The following EVL variants were observed in gnomAD, a reference collection of about 807,000 sequenced individuals.
The protein encoded by EVL is ena/VASP-like protein.
In EVL, 21 loss-of-function variants were observed where a neutral mutation model predicts 59.6. The ratio of observed to expected loss-of-function variants is 0.35; its 90% CI spans 0.25 to 0.51. The LOEUF is 0.51. Among genes scored for constraint, EVL ranks in the 20% least tolerant of loss-of-function variants. EVL has a pLI of 0.97. For synonymous variants in EVL, 198 were observed against 203.5 expected (o/e 0.97, Z 0.23); for missense variants, 462 against 546.6 (o/e 0.85, Z 1.54).
chr14:100,090,925 C>T (rs1264714424), intron 2 of EVL, among the ~76,000 whole-genome samples: 1 of 152,058 alleles, frequency 6.6e-6, no homozygotes, highest in South Asian at 2.1e-4. Context: ...AAAACCATCT[C>T]GCATTGCAGA....
Position 100,128,981 on chromosome 14 carries a change from A to G in EVL, c.717+233A>G, listed in dbSNP as rs1389548958. ...GACCTTCACACGTGGGGCAAGAACTATGTCCCCCTTTAGAGATGAGGAAAT... is the reference window on the plus strand; with the variant it reads ...GACCTTCACACGTGGGGCAAGAACTGTGTCCCCCTTTAGAGATGAGGAAAT... On this transcript the variant is annotated intron_variant, in intron 6 of 13. Transcript: ENST00000392920. Among the ~76,000 whole-genome samples the G allele has an allele frequency of 3.9e-5, 6 of 152,328 alleles. No individual in the cohort carries two copies. In the East Asian group the frequency reaches 7.7e-4, roughly 20 times the overall value.
At chr14:100,091,944 G>C (rs936693274) in intron 2 of EVL, among the ~76,000 whole-genome samples, 2 of 152,184 alleles carry the variant, frequency 1.3e-5, no homozygotes, top group Non-Finnish European at 2.9e-5. Flanking sequence ...TATGAGAGTA[G>C]AGAATAGAGG....
intron 1 of EVL, chr14:99,977,538 A>G (rs2060778259): frequency 6.6e-6 from 1 of 152,168 alleles, no homozygotes; most frequent in Non-Finnish European, 1.5e-5. Flanking sequence ...AGCTGGGATT[A>G]CAGACATCCG....
chr14:100,077,398 G>A (rs1277601497), intron 1 of EVL, among the ~76,000 whole-genome samples: 1 of 152,222 alleles, frequency 6.6e-6, no homozygotes, highest in Non-Finnish European at 1.5e-5. Flanking sequence ...CTTGAAATGG[G>A]AAACAGTGAA....
chr14:100,072,692 A>G (rs566490306), intron 1 of EVL, among the ~76,000 whole-genome samples: 2 of 152,370 alleles, frequency 1.3e-5, no homozygotes, highest in South Asian at 4.1e-4. Flanking sequence ...CTCAGGGGAA[A>G]GACAGAGATA....
intron 1 of EVL, among the ~76,000 whole-genome samples, chr14:99,991,315 C>T (rs2060874426): frequency 6.6e-6 from 1 of 152,180 alleles, no homozygotes; most frequent in South Asian, 2.1e-4. Context: ...CATAAACACA[C>T]TCTTTGAGGC....
chr14:100,126,621 C>T (rs879751390), intron 4 of EVL, 86 bp from the exon 5 acceptor site: 29 of 1,446,796 alleles, frequency 2.0e-5, no homozygotes, highest in South Asian at 2.4e-5. Context: ...ACTCTGAAGC[C>T]GGGGCCGGCG....
chr14:100,096,962 A>T (rs1885858093), intron 2 of EVL: 1 of 152,952 alleles, frequency 6.5e-6, no homozygotes, highest in Non-Finnish European at 1.5e-5. Flanking sequence ...ATGCATTCAA[A>T]GTACTAGACA....
intron 1 of EVL, among the ~76,000 whole-genome samples, chr14:100,043,907 C>A (rs1019585749): frequency 4.6e-5 from 7 of 151,772 alleles, no homozygotes; most frequent in African/African-American, 1.7e-4. Flanking sequence ...TATCTGGGCC[C>A]CCAGTTGTAT....
intron 4 of EVL, 141 bp downstream of exon 4, chr14:100,123,743 A>T: frequency 1.3e-6 from 1 of 766,220 alleles, no homozygotes; most frequent in Non-Finnish European, 2.1e-6. Flanking sequence ...TGCAAGGTGC[A>T]AGCCAGACCA....
At chr14:100,039,841 A>T (rs1266953753) in intron 1 of EVL, among the ~76,000 whole-genome samples, 1 of 152,022 alleles carries the variant, frequency 6.6e-6, no homozygotes, top group East Asian at 1.9e-4. Context: ...GTTGGAATGC[A>T]GTGACGCGAT....
At chr14:100,126,085 T>C (rs1713154419) in intron 4 of EVL, among the ~76,000 whole-genome samples, 1 of 152,214 alleles carries the variant, frequency 6.6e-6, no homozygotes, top group African/African-American at 2.4e-5. Context: ...TCTGGAGATG[T>C]ATCTGGGCCT....
intron 7 of EVL, among the ~76,000 whole-genome samples, chr14:100,132,319 G>A (rs1296459174): frequency 6.6e-6 from 1 of 151,564 alleles, no homozygotes; most frequent in Admixed American, 6.6e-5. Context: ...AGTGTCCAGT[G>A]TCCCGACCTG....
chr14:100,041,377 A>G (rs1188345783), intron 1 of EVL, among the ~76,000 whole-genome samples: 1 of 152,212 alleles, frequency 6.6e-6, no homozygotes, highest in East Asian at 1.9e-4. Context: ...TTAGATAATT[A>G]AATGATACAA....
chr14:100,083,368 CTCTA>C (rs765923412), intron 1 of EVL, among the ~76,000 whole-genome samples: 8 of 151,932 alleles, frequency 5.3e-5, no homozygotes, highest in African/African-American at 1.9e-4. Context: ...GTACAGTTTA[CTCTA>C]TCTTTTTTTT....
intron 1 of EVL, among the ~76,000 whole-genome samples, chr14:100,026,967 C>T (rs1420485934): frequency 6.6e-6 from 1 of 152,124 alleles, no homozygotes; most frequent in Non-Finnish European, 1.5e-5. Flanking sequence ...ATGCAGAGGG[C>T]AGACAGACCA....
intron 2 of EVL, among the ~76,000 whole-genome samples, chr14:100,089,667 T>G (rs1054031474): frequency 6.6e-6 from 1 of 152,220 alleles, no homozygotes; most frequent in African/African-American, 2.4e-5. Context: ...ATGCCTGTAA[T>G]CCCGGCATTT....
At chr14:100,034,569 C>G (rs1187435144) in intron 1 of EVL, among the ~76,000 whole-genome samples, 1 of 99,012 alleles carries the variant, frequency 1.0e-5, no homozygotes, top group African/African-American at 2.7e-5. Flanking sequence ...AAGACCCTGT[C>G]TCTACCAAAA....
chr14:100,129,689 G>GTC lies in EVL; in HGVS notation c.839+9_839+10dup. The GTC allele has an allele frequency of 6.4e-7, 1 of 1,561,750 alleles. No individual in the cohort carries two copies. Among genetic ancestry groups the GTC allele is most frequent in the Non-Finnish European group, 8.7e-7 (1 of 1,151,528 alleles). ...GAACAAACTGCTGGCCAAGAGGTGG[G>GTC]TCTCTACACCTCCCGAGACTTGGTG... On this transcript the variant is annotated splice_donor_region_variant and intron_variant, in intron 7 of 13. Transcript: ENST00000392920.
Sources: allele counts gnomAD v4.1 joint callset (sites outside exome capture counted in the v4.1 genomes callset), GRCh38; gene constraint gnomAD v4.1.1; transcripts MANE v1.5; gene names NCBI Gene and HGNC (gene_info 2026-07-23, HGNC 2026-07-21).